Variants in GALNTL6 observed in about 807,000 individuals in gnomAD.
The protein encoded by GALNTL6 is polypeptide N-acetylgalactosaminyltransferase-like 6.
Under a neutral mutation model 73.7 loss-of-function variants are expected in GALNTL6, and 46 were observed. That is an observed-to-expected ratio of 0.62 (90% CI 0.49 to 0.80). GALNTL6 has a LOEUF of 0.80. GALNTL6 is among the 30% of genes least tolerant of loss of function. The pLI is 0.00. For missense variants in GALNTL6, 604 were observed against 755.0 expected (o/e 0.80, Z 2.34); for synonymous variants, 259 against 263.7 (o/e 0.98, Z 0.17).
intron 7 of GALNTL6, among the ~76,000 whole-genome samples, chr4:172,838,820 TAA>T (rs747557861): frequency 6.6e-6 from 1 of 152,166 alleles, no homozygotes; most frequent in Non-Finnish European, 1.5e-5. Flanking sequence ...CTAATTATAA[TAA>T]AAAAGTCTTA....
intron 10 of GALNTL6, among the ~76,000 whole-genome samples, chr4:173,007,683 G>A (rs1648964153): frequency 6.6e-6 from 1 of 152,180 alleles, no homozygotes; most frequent in African/African-American, 2.4e-5. Flanking sequence ...GCACACGCCT[G>A]TAATCCCAGC....
chr4:172,473,078 T>A (rs1057378221), intron 5 of GALNTL6, among the ~76,000 whole-genome samples: 1 of 152,200 alleles, frequency 6.6e-6, no homozygotes, highest in African/African-American at 2.4e-5. Flanking sequence ...GATAATTGCT[T>A]CCTGTACTTG....
intron 9 of GALNTL6, among the ~76,000 whole-genome samples, chr4:172,940,355 C>A (rs1018886528): frequency 6.6e-6 from 1 of 151,770 alleles, no homozygotes; most frequent in Non-Finnish European, 1.5e-5. Context: ...TTATAGAATA[C>A]AGAAAGTAAT....
rs553320247 is a variant in GALNTL6, at chr4:171,892,384, A to G, written c.138+77666A>G. 2.0e-5 allele frequency among the ~76,000 whole-genome samples: 3 copies of G among 152,318 alleles called. No homozygotes were observed. The South Asian group carries it at 6.2e-4, about 32-fold the overall frequency. On this transcript the variant is annotated intron_variant, in intron 2 of 12. Transcript: ENST00000506823. ...CTAAACAGGGACACATGTGTATGCT[A>G]CTTTTCCTTTGATAAAAGTATAATA...
At chr4:172,376,489 C>T (rs987715922) in intron 5 of GALNTL6, among the ~76,000 whole-genome samples, 1 of 152,178 alleles carries the variant, frequency 6.6e-6, no homozygotes. Context: ...TGGTTCCAGG[C>T]AAACCAACGC....
At chr4:172,401,430 T>G (rs530300639) in intron 5 of GALNTL6, among the ~76,000 whole-genome samples, 3 of 152,226 alleles carry the variant, frequency 2.0e-5, no homozygotes, top group African/African-American at 7.2e-5. Context: ...GTTTTCAAGG[T>G]GTTAGATTTG....
At chr4:171,972,625 A>G (rs1490077508) in intron 2 of GALNTL6, among the ~76,000 whole-genome samples, 1 of 152,066 alleles carries the variant, frequency 6.6e-6, no homozygotes, top group Admixed American at 6.6e-5. Flanking sequence ...TAAAAAGCAA[A>G]ATACTAGATA....
intron 2 of GALNTL6, among the ~76,000 whole-genome samples, chr4:171,992,559 T>A (rs2110740055): frequency 6.6e-6 from 1 of 152,152 alleles, no homozygotes; most frequent in African/African-American, 2.4e-5. Flanking sequence ...AACTGATAGT[T>A]GGGAAAATGA....
At chr4:172,405,533 G>A (rs1470480784) in intron 5 of GALNTL6, among the ~76,000 whole-genome samples, 1 of 148,182 alleles carries the variant, frequency 6.7e-6, no homozygotes, top group Non-Finnish European at 1.5e-5. Context: ...AGGATCAGTA[G>A]CTACACATAT....
chr4:172,457,617 A>AT (rs964446246), intron 5 of GALNTL6, among the ~76,000 whole-genome samples: 3 of 151,866 alleles, frequency 2.0e-5, no homozygotes, highest in African/African-American at 7.2e-5. Context: ...AGACAAGGGC[A>AT]TTATATCATT....
chr4:172,061,254 T>C (rs1294966332), intron 2 of GALNTL6, among the ~76,000 whole-genome samples: 3 of 152,246 alleles, frequency 2.0e-5, no homozygotes, highest in South Asian at 2.1e-4. Context: ...CCTTTCAATC[T>C]GACTAGATAA....
At chr4:172,460,454 T>A (rs892413519) in intron 5 of GALNTL6, among the ~76,000 whole-genome samples, 1 of 151,836 alleles carries the variant, frequency 6.6e-6, no homozygotes, top group African/African-American at 2.4e-5. Context: ...TGGGAGAAAA[T>A]TTTTGCAACC....
At chr4:172,156,140 T>C (rs534701289) in intron 2 of GALNTL6, among the ~76,000 whole-genome samples, 54 of 152,016 alleles carry the variant, frequency 3.6e-4, no homozygotes, top group Non-Finnish European at 7.2e-4. Context: ...AGGGGTTTTA[T>C]AGTCCTCTGT....
chr4:172,250,315 G>C (rs887515171), intron 3 of GALNTL6, among the ~76,000 whole-genome samples: 5 of 152,118 alleles, frequency 3.3e-5, no homozygotes, highest in Non-Finnish European at 7.4e-5. Context: ...TTTTCATTTT[G>C]TAGGCTCATA....
intron 10 of GALNTL6, among the ~76,000 whole-genome samples, chr4:172,979,165 G>A (rs1750967822): frequency 6.6e-6 from 1 of 152,168 alleles, no homozygotes; most frequent in Non-Finnish European, 1.5e-5. Flanking sequence ...TGGAGTGTTG[G>A]GGTTTTTTAA....
chr4:172,438,055 TCTA>T (rs1731699393), intron 5 of GALNTL6, among the ~76,000 whole-genome samples: 1 of 152,150 alleles, frequency 6.6e-6, no homozygotes, highest in African/African-American at 2.4e-5. Context: ...TCCCACTATT[TCTA>T]CTAATTGTGG....
At chr4:172,317,558 T>G (rs1285307960) in intron 4 of GALNTL6, among the ~76,000 whole-genome samples, 1 of 152,210 alleles carries the variant, frequency 6.6e-6, no homozygotes, top group African/African-American at 2.4e-5. Context: ...TAATTGTAAA[T>G]ACATAATTAG....
chr4:172,559,317 G>C (rs1359911933), intron 5 of GALNTL6, among the ~76,000 whole-genome samples: 1 of 151,866 alleles, frequency 6.6e-6, no homozygotes, highest in African/African-American at 2.4e-5. Context: ...ACCCACCTCG[G>C]CCTCCCAAAG....
At position 172,470,527 on chromosome 4, in the gene GALNTL6, C is replaced by T. The variant is rs77445451; in HGVS notation, c.553+121838C>T. Among the ~76,000 whole-genome samples, 752 of 152,140 alleles carry T rather than the reference C, an allele frequency of 4.9e-3. 4 individuals carry two copies. Among genetic ancestry groups the T allele is most frequent in the African/African-American group, 0.017 (724 of 41,512 alleles). ...AATAAAAAGGACTTCCAAAATCAAC[C>T]GAAGGCCTGAAACCTGGTAAGCACA... On this transcript the variant is annotated intron_variant, in intron 5 of 12. Transcript: ENST00000506823.
Sources: gnomAD v4.1 joint callset for allele counts (sites outside exome capture counted in the v4.1 genomes callset) on GRCh38, gnomAD v4.1.1 for gene constraint, MANE v1.5 for transcripts, NCBI Gene and HGNC (gene_info 2026-07-23, HGNC 2026-07-21) for gene names.